KATNAL2: variants seen among roughly 807,000 people sequenced by gnomAD.
KATNAL2 encodes the protein katanin p60 ATPase-containing subunit A-like 2.
Under a neutral mutation model 76.3 loss-of-function variants are expected in KATNAL2, and 52 were observed. That is an observed-to-expected ratio of 0.68 (90% CI 0.55 to 0.86). The LOEUF is 0.86. KATNAL2 is among the 40% of genes least tolerant of loss of function. The pLI, the probability that KATNAL2 is intolerant of heterozygous loss-of-function variation, is 0.00. For missense variants in KATNAL2, 660 were observed against 668.9 expected (o/e 0.99, Z 0.15); for synonymous variants, 243 against 244.2 (o/e 1.00, Z 0.05).
intron 3 of KATNAL2, among the ~76,000 whole-genome samples, chr18:47,037,880 TCC>T (rs2060834363): frequency 6.6e-6 from 1 of 151,668 alleles, no homozygotes; most frequent in Non-Finnish European, 1.5e-5. Flanking sequence ...GATGGGAGTC[TCC>T]CTATGTTGCC....
At chr18:46,931,274 T>C (rs1599334352) in intron 1 of KATNAL2, among the ~76,000 whole-genome samples, 1 of 151,436 alleles carries the variant, frequency 6.6e-6, no homozygotes, top group East Asian at 1.9e-4. Flanking sequence ...CACTCCAGCC[T>C]GGGCAACAGA....
At chr18:47,098,266 A>C (rs762702971) in intron 15 of KATNAL2, 11 of 388,554 alleles carry the variant, frequency 2.8e-5, no homozygotes, top group Middle Eastern at 1.5e-3. Context: ...CTGCTGGTGA[A>C]GACATATCCA....
At chr18:47,053,830 T>G (rs1323913025) in intron 5 of KATNAL2, among the ~76,000 whole-genome samples, 1 of 152,224 alleles carries the variant, frequency 6.6e-6, no homozygotes, top group Non-Finnish European at 1.5e-5. Context: ...CTTGACTTCC[T>G]TGGCAGGTGG....
At chr18:47,043,210 G>A (rs1389065043) in intron 3 of KATNAL2, among the ~76,000 whole-genome samples, 3 of 49,650 alleles carry the variant, frequency 6.0e-5, no homozygotes, top group Non-Finnish European at 1.2e-4. Context: ...CCCGGCGACA[G>A]AGCGAGACTC....
intron 1 of KATNAL2, among the ~76,000 whole-genome samples, chr18:46,932,673 CAAAAAA>C (rs1162695359): frequency 0.021 from 898 of 42,918 alleles, 5 homozygotes; most frequent in East Asian, 0.076. Flanking sequence ...GACTCTGTCT[CAAAAAA>C]AAAAAAAAAA....
chr18:46,966,294 G>A (rs2060134365), intron 3 of KATNAL2, among the ~76,000 whole-genome samples: 1 of 107,620 alleles, frequency 9.3e-6, no homozygotes, highest in African/African-American at 3.4e-5. Context: ...TGTTACAGCA[G>A]GATCCTTAGG....
chr18:46,931,974 G>A (rs111388297), intron 1 of KATNAL2, among the ~76,000 whole-genome samples: 566 of 150,242 alleles, frequency 3.8e-3, no homozygotes, highest in African/African-American at 0.013. Context: ...GTGCACTGGC[G>A]ATCTTGGCTC....
chr18:47,033,475 T>G, intron 3 of KATNAL2: 1 of 1,614,182 alleles, frequency 6.2e-7, no homozygotes, highest in Non-Finnish European at 8.5e-7. Context: ...TTCCTGTGGC[T>G]TTTCTTCCTT....
At chr18:46,962,029 A>T (rs926302741) in intron 3 of KATNAL2, among the ~76,000 whole-genome samples, 2 of 152,196 alleles carry the variant, frequency 1.3e-5, no homozygotes, top group Non-Finnish European at 2.9e-5. Flanking sequence ...CTGGTCTTGT[A>T]TGTTAGTCCT....
chr18:47,035,636 CCCG>C (rs948051971), intron 3 of KATNAL2: 7 of 443,296 alleles, frequency 1.6e-5, no homozygotes, highest in Non-Finnish European at 3.0e-5. Flanking sequence ...CTTGGGCTGC[CCCG>C]CCCCCATACG....
chr18:46,939,595 A>G (rs1316743006), intron 1 of KATNAL2, among the ~76,000 whole-genome samples: 1 of 152,164 alleles, frequency 6.6e-6, no homozygotes, highest in Non-Finnish European at 1.5e-5. Context: ...CTGCAGACCT[A>G]TTCATATCTG....
intron 7 of KATNAL2, among the ~76,000 whole-genome samples, chr18:47,059,281 G>A (rs925696105): frequency 1.3e-5 from 2 of 152,224 alleles, no homozygotes; most frequent in Non-Finnish European, 2.9e-5. Flanking sequence ...GGGATGGGTT[G>A]AGGCACAACT....
intron 3 of KATNAL2, among the ~76,000 whole-genome samples, chr18:46,961,671 AT>A (rs1447190540): frequency 6.6e-6 from 1 of 152,196 alleles, no homozygotes; most frequent in African/African-American, 2.4e-5. Context: ...CCCTGACCAT[AT>A]TTTTGACCAC....
intron 3 of KATNAL2, chr18:47,034,239 G>T (rs372255211): frequency 6.2e-7 from 1 of 1,613,752 alleles, no homozygotes; most frequent in Non-Finnish European, 8.5e-7. Flanking sequence ...TCTCTCGGTC[G>T]TTGGAAAGCT....
At chr18:47,070,315 G>A (rs1323065998) in intron 13 of KATNAL2, among the ~76,000 whole-genome samples, 2 of 151,880 alleles carry the variant, frequency 1.3e-5, no homozygotes, top group African/African-American at 4.8e-5. Flanking sequence ...TGGCCAGGAT[G>A]GTCTCGAACT....
intron 1 of KATNAL2, among the ~76,000 whole-genome samples, chr18:46,925,562 T>C (rs1256670955): frequency 6.6e-6 from 1 of 152,212 alleles, no homozygotes; most frequent in African/African-American, 2.4e-5. Context: ...GTTGTGTCTC[T>C]GCCAGGCTTT....
At chr18:47,092,601 C>T (rs1349022860) in intron 15 of KATNAL2, among the ~76,000 whole-genome samples, 1 of 152,148 alleles carries the variant, frequency 6.6e-6, no homozygotes, top group Non-Finnish European at 1.5e-5. Flanking sequence ...TCTAGATGGA[C>T]TCTTGATACA....
intron 13 of KATNAL2, among the ~76,000 whole-genome samples, chr18:47,071,188 C>A (rs900860165): frequency 6.6e-6 from 1 of 152,098 alleles, no homozygotes; most frequent in African/African-American, 2.4e-5. Flanking sequence ...TTTGTAGAAA[C>A]CAGGTTTCAC....
chr18:47,056,305 A>T (rs1432407925), intron 6 of KATNAL2, among the ~76,000 whole-genome samples: 1 of 152,248 alleles, frequency 6.6e-6, no homozygotes, highest in Non-Finnish European at 1.5e-5. Context: ...CAACAGTGTG[A>T]CATGAGTGCT....
Sources: gnomAD v4.1 joint callset for allele counts (sites outside exome capture counted in the v4.1 genomes callset) on GRCh38, gnomAD v4.1.1 for gene constraint, MANE v1.5 for transcripts, NCBI Gene and HGNC (gene_info 2026-07-23, HGNC 2026-07-21) for gene names.